Variants in DOP1B observed in about 807,000 individuals in gnomAD.
DOP1B encodes DOP1 leucine zipper like protein B, also known as protein DOP1B.
In DOP1B, 174 loss-of-function variants were observed where a neutral mutation model predicts 233.5. The ratio of observed to expected loss-of-function variants is 0.75; its 90% CI spans 0.66 to 0.85. The LOEUF is 0.85. Ranked by LOEUF, DOP1B falls within the 40% of genes least tolerant of loss-of-function variation. The pLI, the probability that DOP1B is intolerant of heterozygous loss-of-function variation, is 0.00. For synonymous variants in DOP1B, 1,190 were observed against 1,185.6 expected (o/e 1.00, Z -0.08); for missense variants, 2,652 against 2,846.6 (o/e 0.93, Z 1.56).
chr21:36,246,305 T>G lies in DOP1B; in HGVS notation c.4325T>G (p.Leu1442Arg). Residue 1442 changes from leucine to arginine, a missense_variant, in exon 19 of 37, where the codon CTG (leucine) becomes CGG (arginine). Leu to Arg is a moderately radical substitution (Grantham distance 102). Around this residue, in one of 3 missense-constraint regions of DOP1B, gnomAD observed 2,617 missense variants for 2,794.3 expected, o/e 0.94. Coordinates refer to ENST00000691173, the MANE Select transcript of DOP1B (RefSeq NM_001320714.2). The surrounding 1 kb of genome is among the most constrained non-coding windows in gnomAD (Gnocchi z 5.1). ...WSEHPLQIEL[L>R]KLLQVLIVLE... ...GAGCACCCGCTGCAGATTGAGCTGC[T>G]GAAGCTGCTGCAGGTGCTGATTGTC... 1 of 1,613,972 alleles carries G rather than the reference T, an allele frequency of 6.2e-7. No individual in the cohort carries two copies. The highest frequency in any genetic ancestry group is 8.5e-7 in the Non-Finnish European group (1 of 1,180,014).
chr21:36,263,237 C>CAAAAA (rs34161973), intron 24 of DOP1B, among the ~76,000 whole-genome samples: 11 of 103,004 alleles, frequency 1.1e-4, no homozygotes, highest in African/African-American at 4.1e-4. Flanking sequence ...TCCGTCTCAC[C>CAAAAA]AAAAAAAAAA....
At chr21:36,221,788 G>T (rs2066625811) in intron 10 of DOP1B, among the ~76,000 whole-genome samples, 1 of 152,104 alleles carries the variant, frequency 6.6e-6, no homozygotes, top group Non-Finnish European at 1.5e-5. Flanking sequence ...ATGTTGGCCA[G>T]GCTGGCCTCG....
At chr21:36,224,953 G>A (rs968834125) in intron 11 of DOP1B, among the ~76,000 whole-genome samples, 9 of 151,918 alleles carry the variant, frequency 5.9e-5, no homozygotes, top group African/African-American at 9.7e-5. Flanking sequence ...CCCTTGGATC[G>A]TGCTTTTGGG....
intron 2 of DOP1B, 88 bp from the exon 3 acceptor site, chr21:36,198,982 T>C: frequency 7.2e-7 from 1 of 1,393,364 alleles, no homozygotes. Context: ...GGGACATGGC[T>C]GCAGTCTCTC....
chr21:36,182,158 G>A (rs1266098501), intron 2 of DOP1B, among the ~76,000 whole-genome samples: 1 of 152,148 alleles, frequency 6.6e-6, no homozygotes, highest in East Asian at 1.9e-4. Flanking sequence ...TTTGTGGAAT[G>A]CAGGAAGGAG....
intron 2 of DOP1B, among the ~76,000 whole-genome samples, chr21:36,187,342 T>A (rs986366817): frequency 3.3e-5 from 5 of 152,104 alleles, no homozygotes; most frequent in African/African-American, 4.8e-5. Context: ...TTGCCCAGGC[T>A]GGAGTGCAGT....
In DOP1B at chr21:36,184,562, G is replaced by A. The variant is rs185602837; in HGVS notation, c.139-14508G>A. Reference sequence around the variant, plus strand: ...TCACAGGTCTCCTGCTTCCGTGCAGGTAGCTTATTCCAGGGACAGGGAAGC... The same window carrying A: ...TCACAGGTCTCCTGCTTCCGTGCAGATAGCTTATTCCAGGGACAGGGAAGC... On this transcript the variant is annotated intron_variant, in intron 2 of 36. Transcript: ENST00000691173. 1.6e-3 allele frequency among the ~76,000 whole-genome samples: 251 copies of A among 152,342 alleles called. 1 individual carries two copies. Among genetic ancestry groups the A allele is most frequent in the Non-Finnish European group, 2.9e-3 (195 of 68,040 alleles).
intron 16 of DOP1B, among the ~76,000 whole-genome samples, chr21:36,237,754 G>C (rs1230731532): frequency 1.3e-5 from 2 of 152,198 alleles, no homozygotes; most frequent in Admixed American, 6.5e-5. Flanking sequence ...TATTGAAGCA[G>C]GGCGTGGTGG....
chr21:36,271,328 C>T (rs1274193638), intron 27 of DOP1B, among the ~76,000 whole-genome samples: 1 of 151,356 alleles, frequency 6.6e-6, no homozygotes, highest in East Asian at 1.9e-4. Flanking sequence ...GGTTGGAGTG[C>T]AGTGGCGTCA....
intron 10 of DOP1B, among the ~76,000 whole-genome samples, chr21:36,221,858 C>G (rs529988591): frequency 6.6e-6 from 1 of 152,112 alleles, no homozygotes; most frequent in South Asian, 2.1e-4. Context: ...TTACAGGCAT[C>G]AGCCACTGCG....
At chr21:36,221,532 T>G (rs1569030159) in intron 10 of DOP1B, among the ~76,000 whole-genome samples, 4 of 151,834 alleles carry the variant, frequency 2.6e-5, no homozygotes, top group Admixed American at 2.0e-4. Flanking sequence ...GACTGACCAA[T>G]TTCTTATTGA....
At chr21:36,227,403 C>A (rs1308744231) in intron 12 of DOP1B, among the ~76,000 whole-genome samples, 3 of 151,138 alleles carry the variant, frequency 2.0e-5, no homozygotes, top group South Asian at 2.1e-4. Flanking sequence ...AAAAATTAGC[C>A]GGGCGTGGTG....
At chr21:36,213,822 G>A (rs962306000) in intron 7 of DOP1B, among the ~76,000 whole-genome samples, 9 of 150,126 alleles carry the variant, frequency 6.0e-5, no homozygotes, top group African/African-American at 2.2e-4. Context: ...TTACAGGCGT[G>A]AGCCACCGCG....
At chr21:36,241,503 CTTTTTTTTTTT>C (rs1165636640) in intron 18 of DOP1B, among the ~76,000 whole-genome samples, 1 of 76,490 alleles carries the variant, frequency 1.3e-5, no homozygotes. Context: ...TTATCTTAAT[CTTTTTTTTTTT>C]TTTTTTTTTT....
In DOP1B at chr21:36,238,587, A is replaced by G; in HGVS notation, c.2776-14A>G. On this transcript the variant is annotated splice_polypyrimidine_tract_variant and intron_variant, in intron 16 of 36. Transcript: ENST00000691173. ...AAAACCAAGTTCCTCACTCCCATGT[A>G]TCTCCTCATCAAGGGAACAAGGCTG... 6.2e-7 allele frequency: 1 copy of G among 1,612,536 alleles called. No individual in the cohort carries two copies. The highest frequency in any genetic ancestry group is 8.5e-7 in the Non-Finnish European group (1 of 1,178,528).
chr21:36,204,481 A>G (rs374932160), intron 4 of DOP1B, among the ~76,000 whole-genome samples: 2 of 151,998 alleles, frequency 1.3e-5, no homozygotes, highest in Admixed American at 6.6e-5. Flanking sequence ...TGCGACGTGC[A>G]TGACCCACAT....
At chr21:36,268,498 A>G (rs1371702052) in intron 26 of DOP1B, among the ~76,000 whole-genome samples, 2 of 152,214 alleles carry the variant, frequency 1.3e-5, no homozygotes, top group African/African-American at 2.4e-5. Flanking sequence ...AGTTAACACA[A>G]TTATCACAGT....
At chr21:36,240,259 C>T (rs1311081832) in intron 18 of DOP1B, among the ~76,000 whole-genome samples, 1 of 152,102 alleles carries the variant, frequency 6.6e-6, no homozygotes, top group Non-Finnish European at 1.5e-5. Context: ...GCAGGTGGAT[C>T]ACCTGAGGTC....
chr21:36,183,764 A>G (rs150584088), intron 2 of DOP1B, among the ~76,000 whole-genome samples: 7 of 152,198 alleles, frequency 4.6e-5, no homozygotes, highest in African/African-American at 1.7e-4. Flanking sequence ...ACAGAGTTGT[A>G]TAGCTGCTGC....
Sources: gnomAD v4.1 joint callset for allele counts (sites outside exome capture counted in the v4.1 genomes callset) on GRCh38, gnomAD v4.1.1 for gene constraint, gnomAD v4.1.1 regional missense constraint, Gnocchi (gnomAD v3.1) non-coding constraint, MANE v1.5 for transcripts, NCBI Gene and HGNC (gene_info 2026-07-23, HGNC 2026-07-21) for gene names.